Variants in MGAT5 observed in about 807,000 individuals in gnomAD.
MGAT5 encodes the protein alpha-1,6-mannosylglycoprotein 6-beta-N-acetylglucosaminyltransferase.
Under a neutral mutation model 94.3 loss-of-function variants are expected in MGAT5, and 30 were observed. The observed-to-expected ratio is 0.32, with a 90% confidence interval of 0.24 to 0.43. The LOEUF is 0.43. Among genes scored for constraint, MGAT5 ranks in the 20% least tolerant of loss-of-function variants. The probability of loss-of-function intolerance (pLI) is 1.00; values close to 1 mark genes in which losing one functional copy is unlikely to be tolerated. For synonymous variants in MGAT5, 310 were observed against 322.9 expected, an observed-to-expected ratio of 0.96 and a Z score of 0.43; for missense variants, 691 against 905.5, an observed-to-expected ratio of 0.76 and a Z score of 3.04.
At chr2:134,175,142 G>C (rs1288788609) in intron 1 of MGAT5, among the ~76,000 whole-genome samples, 1 of 152,206 alleles carries the variant, frequency 6.6e-6, no homozygotes, top group Non-Finnish European at 1.5e-5. Flanking sequence ...GCAGTGTCCA[G>C]TTCTGCTGCA....
chr2:134,292,233 G>A (rs1417341875), intron 2 of MGAT5, among the ~76,000 whole-genome samples: 1 of 152,178 alleles, frequency 6.6e-6, no homozygotes, highest in Non-Finnish European at 1.5e-5. Context: ...CTCAGGGAAG[G>A]TATTTACTGT....
chr2:134,242,546 A>G lies in MGAT5; in HGVS notation c.-142-11716A>G, dbSNP rs150337730. ...TAGGATCTGATCTGCCCCTGCTCTT[A>G]CTATCCTAGATAAGGTAAAAAGCAG... On this transcript the variant is annotated intron_variant, in intron 1 of 16. Coordinates refer to the MGAT5 transcript ENST00000409645. 3.6e-3 allele frequency among the ~76,000 whole-genome samples: 549 copies of G among 152,310 alleles called. 4 individuals carry two copies. The highest frequency in any genetic ancestry group is 5.0e-3 in the Admixed American group (76 of 15,302).
chr2:134,368,263 T>C (rs1454193946), intron 10 of MGAT5, among the ~76,000 whole-genome samples: 1 of 152,180 alleles, frequency 6.6e-6, no homozygotes, highest in Non-Finnish European at 1.5e-5. Context: ...ACAGGTAAAA[T>C]GTTGCTCCTG....
intron 4 of MGAT5, among the ~76,000 whole-genome samples, chr2:134,332,218 T>C (rs1172869216): frequency 1.3e-5 from 2 of 152,070 alleles, no homozygotes; most frequent in Admixed American, 1.3e-4. Flanking sequence ...CAAAACAGCA[T>C]GGTACTGGTA....
chr2:134,409,984 C>T (rs1683554042), intron 11 of MGAT5, among the ~76,000 whole-genome samples: 1 of 152,186 alleles, frequency 6.6e-6, no homozygotes, highest in Non-Finnish European at 1.5e-5. Context: ...ATTTTGTCAT[C>T]TGGAATATCC....
intron 2 of MGAT5, among the ~76,000 whole-genome samples, chr2:134,304,888 T>G (rs1469297801): frequency 6.6e-6 from 1 of 152,196 alleles, no homozygotes; most frequent in African/African-American, 2.4e-5. Context: ...ATCTGGTTTT[T>G]AAGAGGCATC....
At chr2:134,313,195 T>C (rs1686797237) in intron 2 of MGAT5, among the ~76,000 whole-genome samples, 1 of 152,146 alleles carries the variant, frequency 6.6e-6, no homozygotes, top group African/African-American at 2.4e-5. Context: ...CGTGTGTGTC[T>C]GTTGGGACTG....
At chr2:134,305,076 C>A (rs1287032852) in intron 2 of MGAT5, among the ~76,000 whole-genome samples, 83 of 148,102 alleles carry the variant, frequency 5.6e-4, no homozygotes, top group Non-Finnish European at 4.5e-5. Context: ...TTCTGGCTTT[C>A]AGCTTCTTTT....
At chr2:134,151,478 T>C (rs1157909393) in intron 1 of MGAT5, among the ~76,000 whole-genome samples, 5 of 124,930 alleles carry the variant, frequency 4.0e-5, no homozygotes, top group Admixed American at 8.0e-5. Context: ...AGCCGCCCAC[T>C]GCCATGGGAC....
Position 134,381,532 on chromosome 2 carries a change from C to CAGATAGAT in MGAT5, c.1380+19127_1380+19128insTAGATAGA, listed in dbSNP as rs1342885922. On this transcript the variant is annotated intron_variant, in intron 10 of 15. Coordinates refer to ENST00000281923, the MANE Select transcript of MGAT5 (RefSeq NM_002410.5). ...CAGACCAGACAGACAGACAGACAGA[C>CAGATAGAT]AGACAGATAGATAGATAGATAGATA... Among the ~76,000 whole-genome samples the CAGATAGAT allele has an allele frequency of 1.7e-3, 61 of 36,120 alleles. 1 individual carries two copies. Among genetic ancestry groups the CAGATAGAT allele is most frequent in the South Asian group, 0.012 (6 of 512 alleles). The allele number at this position is 36,120 out of a possible 152,430, so 23.7% of individuals were successfully genotyped here.
At chr2:134,326,052 C>CTCTCTCT (rs575100363) in intron 4 of MGAT5, among the ~76,000 whole-genome samples, 22 of 135,886 alleles carry the variant, frequency 1.6e-4, no homozygotes, top group Admixed American at 3.0e-4. Context: ...CTCTCTCTCT[C>CTCTCTCT]TTTTTTTTTT....
Position 134,344,928 on chromosome 2 carries a change from A to G in MGAT5, c.978-2A>G. 6.2e-7 allele frequency: 1 copy of G among 1,612,732 alleles called. No individual in the cohort carries two copies. Among genetic ancestry groups the G allele is most frequent in the Non-Finnish European group, 8.5e-7 (1 of 1,179,270 alleles). On this transcript the variant is annotated splice_acceptor_variant, in intron 7 of 15. Coordinates refer to ENST00000281923, the MANE Select transcript of MGAT5 (RefSeq NM_002410.5). LOFTEE classifies it high-confidence loss of function. ...CTCCCCTCTCTTTTGCCGTTTCTCT[A>G]GAATCATGAAGAAGGTTGTAGGAAA...
chr2:134,232,709 G>C (rs1449688314), intron 1 of MGAT5, among the ~76,000 whole-genome samples: 1 of 152,022 alleles, frequency 6.6e-6, no homozygotes. Context: ...CATTTTTCTT[G>C]TTAGGTTGGA....
At chr2:134,384,555 C>T (rs1681851344) in intron 10 of MGAT5, among the ~76,000 whole-genome samples, 1 of 152,200 alleles carries the variant, frequency 6.6e-6, no homozygotes, top group African/African-American at 2.4e-5. Context: ...TTCTTTATAA[C>T]TATTTGATTT....
chr2:134,234,700 A>C (rs2105412016), intron 1 of MGAT5, among the ~76,000 whole-genome samples: 1 of 152,358 alleles, frequency 6.6e-6, no homozygotes, highest in Middle Eastern at 3.4e-3. Flanking sequence ...TGGGTGGTGA[A>C]TGAGGGCTGG....
At chr2:134,381,274 T>C (rs1395433863) in intron 10 of MGAT5, among the ~76,000 whole-genome samples, 1 of 151,736 alleles carries the variant, frequency 6.6e-6, no homozygotes, top group Admixed American at 6.6e-5. Context: ...GCCATCATCA[T>C]GTTTGTGAAT....
intron 4 of MGAT5, among the ~76,000 whole-genome samples, chr2:134,334,815 TTAGACTG>T (rs1295635581): frequency 7.9e-5 from 12 of 152,140 alleles, no homozygotes; most frequent in Non-Finnish European, 1.5e-4. Flanking sequence ...ATCCCAGTAA[TTAGACTG>T]TAGGCCTCCA....
At chr2:134,241,897 C>G (rs1351515232) in intron 1 of MGAT5, among the ~76,000 whole-genome samples, 1 of 152,180 alleles carries the variant, frequency 6.6e-6, no homozygotes, top group Admixed American at 6.5e-5. Flanking sequence ...CAATTTCTTT[C>G]AACCAAACTT....
intron 14 of MGAT5, among the ~76,000 whole-genome samples, chr2:134,436,576 A>G (rs1416630740): frequency 6.6e-6 from 1 of 152,100 alleles, no homozygotes; most frequent in Non-Finnish European, 1.5e-5. Flanking sequence ...AGCTTTAAGG[A>G]CATCTCCCAT....
Sources: gnomAD v4.1 joint callset for allele counts (sites outside exome capture counted in the v4.1 genomes callset) on GRCh38, gnomAD v4.1.1 for gene constraint, MANE v1.5 for transcripts, NCBI Gene and HGNC (gene_info 2026-07-23, HGNC 2026-07-21) for gene names.